DNMT3A: variants seen among roughly 807,000 people sequenced by gnomAD.
DNMT3A encodes the protein DNA methyltransferase 3 alpha, also known as DNA (cytosine-5)-methyltransferase 3A.
A neutral mutation model predicts 117.6 loss-of-function variants in DNMT3A; 267 were observed. The ratio of observed to expected loss-of-function variants is 2.27; its 90% CI spans 2.05 to 2.51. DNMT3A has a LOEUF of 2.51. Among genes scored for constraint, DNMT3A ranks in the 30% most tolerant of loss-of-function variants. DNMT3A has a pLI of 0.00. For synonymous variants in DNMT3A, 432 were observed against 474.8 expected (o/e 0.91, Z 1.17); for missense variants, 1,029 against 1,260.2 (o/e 0.82, Z 2.78).
chr2:25,312,194 T>C (rs1242598899), intron 2 of DNMT3A, among the ~76,000 whole-genome samples: 2 of 152,186 alleles, frequency 1.3e-5, no homozygotes, highest in African/African-American at 4.8e-5. Context: ...GAGTCAGCCA[T>C]GGCCACAGTT....
Position 25,240,735 on chromosome 2 carries a change from G to T in DNMT3A, c.2083-5C>A, listed in dbSNP as rs778005490. 6.2e-7 allele frequency: 1 copy of T among 1,614,106 alleles called. No homozygotes were observed. The highest frequency in any genetic ancestry group is 1.1e-5 in the South Asian group (1 of 91,074). ...GAATGGGCCCCACTCCTGGATCTGG[G>T]AGGATAAAGGCAACGTGATGGGCCT... On this transcript the variant is annotated splice_polypyrimidine_tract_variant and splice_region_variant and intron_variant, in intron 17 of 22. Coordinates refer to ENST00000321117, the MANE Select transcript of DNMT3A (RefSeq NM_022552.5).
rs1418213272 is a variant in DNMT3A at position 25,240,358 on chromosome 2, C to T, written c.2266G>A (p.Glu756Lys). The T allele has an allele frequency of 1.9e-6, 3 of 1,614,092 alleles. No homozygotes were observed. Among genetic ancestry groups the T allele is most frequent in the Non-Finnish European group, 2.5e-6 (3 of 1,180,040 alleles). ...GDDRPFFWLF[E>K]NVVAMGVSDK... ...CTAACGCCCATGGCCACCACATTCT[C>T]AAAGAGCCAGAAGAAGGGGCGATCA... The change falls in exon 19 of 23, where the codon GAG becomes AAG. Residue 756 changes from glutamate (E) to lysine (K), a missense_variant. Glu to Lys is a moderately conservative substitution (Grantham distance 56). Coordinates refer to ENST00000321117, the MANE Select transcript of DNMT3A (RefSeq NM_022552.5).
Position 25,247,407 on chromosome 2 carries a change from G to C in DNMT3A, c.1014+184C>G. ...AGGCTAAAACTGGGCCAGCATCCTA[G>C]CTCTCTGAGCCACAGGTGCAACCTA... On this transcript the variant is annotated intron_variant, in intron 8 of 22. Coordinates refer to ENST00000321117, the MANE Select transcript of DNMT3A (RefSeq NM_022552.5). The surrounding 1 kb of genome is among the most constrained non-coding windows in gnomAD (Gnocchi z 5.6). 1.0e-6 allele frequency: 1 copy of C among 1,001,600 alleles called. No individual in the cohort carries two copies. The highest frequency in any genetic ancestry group is 1.4e-6 in the Non-Finnish European group (1 of 696,334). The allele number at this position is 1,001,600 out of a possible 1,614,324, so 62.0% of individuals were successfully genotyped here. A position where few individuals can be genotyped will look rare whatever the true frequency, so the allele number is the denominator to read the frequency against.
chr2:25,326,683 G>A (rs575463428), intron 1 of DNMT3A, among the ~76,000 whole-genome samples: 3 of 152,300 alleles, frequency 2.0e-5, no homozygotes, highest in South Asian at 2.1e-4. Context: ...CTGCATGGGC[G>A]CTTCCCAGCA....
chr2:25,244,609 TA>T lies in DNMT3A; in HGVS notation c.1597del (p.Tyr533ThrfsTer118). On this transcript the variant is annotated frameshift_variant, in exon 14 of 23. Transcript: ENST00000321117. LOFTEE classifies it high-confidence loss of function. ...ECAYQYDDDG[Y>X]QSYCTICCGG... The stretch of plus-strand genomic sequence containing the variant: ...ACAGCAGATGGTGCAGTAGGACTGG[TA>T]GCCGTCGTCGTCGTACTGGTACGCA... 6.2e-7 allele frequency: 1 copy of T among 1,614,130 alleles called. No individual in the cohort carries two copies.
In DNMT3A at chr2:25,311,986, G is replaced by C. The variant is rs944858182; in HGVS notation, c.72+1927C>G. 7.2e-5 allele frequency among the ~76,000 whole-genome samples: 11 copies of C among 152,158 alleles called. No individual in the cohort carries two copies. Among genetic ancestry groups the C allele is most frequent in the Non-Finnish European group, 1.6e-4 (11 of 68,024 alleles). ...GCCCAGAGCAGCAGCAGCGGCGTGG[G>C]AGTACAGTCCAGTAACAGGAGGAGT... On this transcript the variant is annotated intron_variant, in intron 2 of 22. Transcript: ENST00000321117. The surrounding 1 kb of genome is among the most constrained non-coding windows in gnomAD (Gnocchi z 5.2).
chr2:25,263,219 C>G (rs889219567), intron 6 of DNMT3A, among the ~76,000 whole-genome samples: 3 of 152,234 alleles, frequency 2.0e-5, no homozygotes, highest in African/African-American at 7.2e-5. Context: ...TACACTGCAC[C>G]CAGCCTCTTT....
chr2:25,285,138 C>T (rs2032203533), intron 3 of DNMT3A, among the ~76,000 whole-genome samples: 1 of 152,168 alleles, frequency 6.6e-6, no homozygotes, highest in South Asian at 2.1e-4. Context: ...AAGGGCCTGT[C>T]CAGCTAAATG....
chr2:25,311,252 A>C lies in DNMT3A; in HGVS notation c.72+2661T>G, dbSNP rs1201429087. 6.6e-6 allele frequency among the ~76,000 whole-genome samples: 1 copy of C among 152,204 alleles called. No individual in the cohort carries two copies. On this transcript the variant is annotated intron_variant, in intron 2 of 22. Coordinates refer to ENST00000321117, the MANE Select transcript of DNMT3A (RefSeq NM_022552.5). The surrounding 1 kb of genome is among the most constrained non-coding windows in gnomAD (Gnocchi z 5.2). ...CTTGCCAAACAGTTCCTTTGTGCAC[A>C]GTGCCCCTGGCACCTGTGCCAGGCT...
At chr2:25,272,803 C>CTTTTTTTTTTTT (rs1217338234) in intron 6 of DNMT3A, among the ~76,000 whole-genome samples, 7,829 of 128,748 alleles carry the variant, frequency 0.061, 382 homozygotes, top group Non-Finnish European at 0.1. Context: ...TGCACTTTCT[C>CTTTTTTTTTTTT]TTTTTTTTTT....
intron 3 of DNMT3A, among the ~76,000 whole-genome samples, chr2:25,297,822 T>G (rs1006441390): frequency 6.6e-6 from 1 of 152,196 alleles, no homozygotes; most frequent in South Asian, 2.1e-4. Flanking sequence ...GCCTGCACAT[T>G]TGGACTCTTT....
chr2:25,292,982 G>A (rs934330962), intron 3 of DNMT3A, among the ~76,000 whole-genome samples: 4 of 151,094 alleles, frequency 2.6e-5, no homozygotes, highest in Non-Finnish European at 4.4e-5. Flanking sequence ...GATGTGGAGA[G>A]ATGAAAATAA....
At position 25,229,898 on chromosome 2, in the gene DNMT3A, C is replaced by T. The variant is rs1339182958; in HGVS notation, c.*4381G>A. On this transcript the variant is annotated 3_prime_UTR_variant, in exon 23 of 23. Transcript: ENST00000321117. ...CTACTGCTGGAGAAGGTGGGTGTTC[C>T]CATCTAGGCTTCCCCAGAGTCGCCA... 6.6e-6 allele frequency: 1 copy of T among 152,212 alleles called. No homozygotes were observed. The highest frequency in any genetic ancestry group is 1.5e-5 in the Non-Finnish European group (1 of 68,048). The allele number at this position is 152,212 out of a possible 1,614,324, so 9.4% of individuals were successfully genotyped here.
At chr2:25,279,065 A>G (rs1204861037) in intron 4 of DNMT3A, among the ~76,000 whole-genome samples, 2 of 152,172 alleles carry the variant, frequency 1.3e-5, no homozygotes, top group Non-Finnish European at 2.9e-5. Context: ...AATACAGTCA[A>G]TACTCAATAA....
At chr2:25,250,290 G>T (rs1675355278) in intron 6 of DNMT3A, among the ~76,000 whole-genome samples, 1 of 152,138 alleles carries the variant, frequency 6.6e-6, no homozygotes, top group Non-Finnish European at 1.5e-5. Flanking sequence ...TTGCCTCCAA[G>T]CCACAGACCA....
At chr2:25,277,670 A>G (rs2031545309) in intron 4 of DNMT3A, among the ~76,000 whole-genome samples, 1 of 152,182 alleles carries the variant, frequency 6.6e-6, no homozygotes, top group Admixed American at 6.5e-5. Flanking sequence ...ACGGATAATT[A>G]TTTATTCATT....
chr2:25,247,806 G>A lies in DNMT3A; in HGVS notation c.856-57C>T. ...AGTGGTCACGAGGCCCTGCCACCCT[G>A]ATCCCCCCATGGCAACCCCAGCCCT... On this transcript the variant is annotated intron_variant, in intron 7 of 22. Transcript: ENST00000321117. This position sits in a 1 kb window ranked among gnomAD's most constrained non-coding sequence, Gnocchi z 5.6. The A allele has an allele frequency of 6.3e-7, 1 of 1,591,142 alleles. No homozygotes were observed. Among genetic ancestry groups the A allele is most frequent in the Non-Finnish European group, 8.5e-7 (1 of 1,172,568 alleles).
chr2:25,302,632 C>A lies in DNMT3A; in HGVS notation c.73-2389G>T, dbSNP rs543329794. ...GGCTCAGGGTGCCCAAGGGCACACG[C>A]CCCATGGGAGGGGAGGCCTGCTGCT... is the stretch of plus-strand genomic sequence containing the variant. On this transcript the variant is annotated intron_variant, in intron 2 of 22. Transcript: ENST00000321117. Among the ~76,000 whole-genome samples the A allele has an allele frequency of 1.4e-4, 21 of 152,300 alleles. No individual in the cohort carries two copies. In the South Asian group the frequency reaches 4.1e-3, roughly 30 times the overall value.
At chr2:25,290,031 G>A (rs558253844) in intron 3 of DNMT3A, among the ~76,000 whole-genome samples, 3 of 152,302 alleles carry the variant, frequency 2.0e-5, no homozygotes, top group East Asian at 1.9e-4. Context: ...GCGGTGGCAC[G>A]ATCACGGCTC....
Sources: gnomAD v4.1 joint callset for allele counts (sites outside exome capture counted in the v4.1 genomes callset) on GRCh38, gnomAD v4.1.1 for gene constraint, Gnocchi (gnomAD v3.1) non-coding constraint, MANE v1.5 for transcripts, NCBI Gene and HGNC (gene_info 2026-07-23, HGNC 2026-07-21) for gene names.